PTPRK: variants seen among roughly 807,000 people sequenced by gnomAD.
The protein encoded by PTPRK is protein tyrosine phosphatase receptor type K.
In PTPRK, 75 loss-of-function variants were observed where a neutral mutation model predicts 178.0. The observed-to-expected ratio is 0.42, with a 90% CI of 0.35 to 0.51. The LOEUF (loss-of-function observed/expected upper bound fraction) is 0.51. Ranked by LOEUF, PTPRK falls within the 20% of genes least tolerant of loss-of-function variation. PTPRK has a pLI of 0.02. For synonymous variants in PTPRK, 637 were observed against 620.6 expected (o/e 1.03, Z -0.39); for missense variants, 1,441 against 1,797.8 (o/e 0.80, Z 3.59).
At chr6:128,221,249 G>T (rs1810343049) in intron 5 of PTPRK, among the ~76,000 whole-genome samples, 1 of 152,038 alleles carries the variant, frequency 6.6e-6, no homozygotes, top group African/African-American at 2.4e-5. Flanking sequence ...TCCTGGCCAG[G>T]CGCGGTGGCT....
chr6:128,078,950 C>T lies in PTPRK; in HGVS notation c.1778-32G>A, dbSNP rs185732998. The T allele has an allele frequency of 4.9e-6, 7 of 1,427,332 alleles. No individual in the cohort carries two copies. In the East Asian group the frequency reaches 1.4e-4, roughly 28 times the overall value. The allele number at this position is 1,427,332 out of a possible 1,614,324, so 88.4% of individuals were successfully genotyped here. A position where few individuals can be genotyped will look rare whatever the true frequency, so the allele number is the denominator to read the frequency against. ...AGTGATTAATGAGATAAAAAAGGTT[C>T]AATTAATTTACAGTAATATATCACA... On this transcript the variant is annotated intron_variant, in intron 10 of 29. Coordinates refer to ENST00000368226, the MANE Select transcript of PTPRK (RefSeq NM_002844.4).
chr6:128,241,350 C>G (rs1221004797), intron 4 of PTPRK: 1 of 529,772 alleles, frequency 1.9e-6, no homozygotes, highest in Non-Finnish European at 3.9e-6. Context: ...AATTGTCAGG[C>G]CCCACCCCAG....
At chr6:128,091,092 T>C (rs1441208744) in intron 7 of PTPRK, among the ~76,000 whole-genome samples, 1 of 152,180 alleles carries the variant, frequency 6.6e-6, no homozygotes. Flanking sequence ...TTCAATATAT[T>C]TAATGTGCAA....
chr6:128,250,941 C>T (rs774987459), intron 3 of PTPRK, among the ~76,000 whole-genome samples: 4 of 152,176 alleles, frequency 2.6e-5, no homozygotes, highest in Non-Finnish European at 4.4e-5. Context: ...TATGGTTTCT[C>T]AACTAAGAAT....
chr6:128,405,654 A>G (rs1040084534), intron 1 of PTPRK, among the ~76,000 whole-genome samples: 5 of 152,304 alleles, frequency 3.3e-5, no homozygotes, highest in African/African-American at 1.2e-4. Context: ...TGGAGAGATT[A>G]CTGATTACTG....
intron 7 of PTPRK, among the ~76,000 whole-genome samples, chr6:128,147,856 C>A (rs532491872): frequency 6.6e-6 from 1 of 152,280 alleles, no homozygotes; most frequent in Admixed American, 6.5e-5. Context: ...TTCCTTCTCT[C>A]CAACCAATAA....
At chr6:128,442,831 C>T (rs1846455461) in intron 1 of PTPRK, among the ~76,000 whole-genome samples, 1 of 152,214 alleles carries the variant, frequency 6.6e-6, no homozygotes, top group South Asian at 2.1e-4. Context: ...CCTGCATCTT[C>T]ATGGCTCTAA....
At chr6:128,455,118 A>G (rs1404199267) in intron 1 of PTPRK, among the ~76,000 whole-genome samples, 3 of 152,206 alleles carry the variant, frequency 2.0e-5, no homozygotes, top group African/African-American at 7.2e-5. Flanking sequence ...TTAATTATGT[A>G]TCAGAAAAAT....
intron 14 of PTPRK, among the ~76,000 whole-genome samples, chr6:128,006,808 G>A (rs1778480537): frequency 6.6e-6 from 1 of 150,902 alleles, no homozygotes; most frequent in Non-Finnish European, 1.5e-5. Context: ...CGTTTTGAAA[G>A]ATGCAATATC....
chr6:128,363,471 A>G (rs1288945742), intron 2 of PTPRK, among the ~76,000 whole-genome samples: 1 of 152,202 alleles, frequency 6.6e-6, no homozygotes, highest in Non-Finnish European at 1.5e-5. Context: ...GAACTACAAT[A>G]CAATCTAAGT....
At chr6:128,101,800 A>G (rs1262820122) in intron 7 of PTPRK, among the ~76,000 whole-genome samples, 2 of 152,172 alleles carry the variant, frequency 1.3e-5, no homozygotes, top group Non-Finnish European at 2.9e-5. Context: ...CTAATGTAGC[A>G]CTGTCCAACA....
chr6:128,418,820 T>C (rs1306418260), intron 1 of PTPRK, among the ~76,000 whole-genome samples: 2 of 152,202 alleles, frequency 1.3e-5, no homozygotes, highest in Non-Finnish European at 2.9e-5. Context: ...TCTCTGACAT[T>C]ATCTCAACCA....
At chr6:128,149,549 ACT>A (rs1367323470) in intron 7 of PTPRK, among the ~76,000 whole-genome samples, 1 of 152,086 alleles carries the variant, frequency 6.6e-6, no homozygotes. Context: ...TCTAGTAGTC[ACT>A]GTGTGACACC....
chr6:128,217,775 T>C (rs1809617440), intron 6 of PTPRK, among the ~76,000 whole-genome samples: 1 of 152,058 alleles, frequency 6.6e-6, no homozygotes, highest in Non-Finnish European at 1.5e-5. Context: ...TGGGCAACTT[T>C]CTCTCAACCT....
rs202171088 is a variant in PTPRK at position 127,981,221 on chromosome 6, A to G, written c.3606T>C (p.His1202=). 614 of 1,614,004 alleles carry G rather than the reference A, an allele frequency of 3.8e-4. 9 individuals carry two copies. In the South Asian group the frequency reaches 6.1e-3, roughly 16 times the overall value. The part of the protein sequence containing the change: ...DCSIACLPRN[H]DKNRFMDMLP... ...GCATGTCCATGAAACGGTTCTTGTC[A>G]TGGTTCCTTGGCAGGCACGCTATAC... The change falls in exon 25 of 30, where the codon CAT becomes CAC. Residue 1202 remains histidine, a synonymous_variant. Transcript: ENST00000368226.
At chr6:128,051,781 C>T (rs767690739) in intron 13 of PTPRK, among the ~76,000 whole-genome samples, 4 of 152,130 alleles carry the variant, frequency 2.6e-5, no homozygotes, top group Admixed American at 1.3e-4. Flanking sequence ...CAGACATTCT[C>T]CACACTTTTA....
Position 128,486,621 on chromosome 6 carries a change from T to G in PTPRK, c.100+33638A>C. On this transcript the variant is annotated intron_variant, in intron 1 of 29. Transcript: ENST00000368226. Reference sequence around the variant, plus strand: ...GAGTTCAAGACCAGCCTGGGCAACATGGTGAAACCCTGTCTACAAAAAAAT... The same window carrying G: ...GAGTTCAAGACCAGCCTGGGCAACAGGGTGAAACCCTGTCTACAAAAAAAT... 2.0e-5 allele frequency among the ~76,000 whole-genome samples: 3 copies of G among 152,104 alleles called. No individual in the cohort carries two copies. The South Asian group carries it at 6.2e-4, about 32-fold the overall frequency.
intron 7 of PTPRK, among the ~76,000 whole-genome samples, chr6:128,144,641 A>G (rs1583206180): frequency 6.6e-6 from 1 of 152,148 alleles, no homozygotes; most frequent in African/African-American, 2.4e-5. Context: ...TAAAATTCAC[A>G]TGGCATTCTT....
intron 1 of PTPRK, among the ~76,000 whole-genome samples, chr6:128,410,176 C>A (rs890792689): frequency 6.6e-6 from 1 of 152,102 alleles, no homozygotes; most frequent in African/African-American, 2.4e-5. Flanking sequence ...AGCTGATATT[C>A]CAAGTAATTG....
Sources: gnomAD v4.1 joint callset for allele counts (sites outside exome capture counted in the v4.1 genomes callset) on GRCh38, gnomAD v4.1.1 for gene constraint, MANE v1.5 for transcripts, NCBI Gene and HGNC (gene_info 2026-07-23, HGNC 2026-07-21) for gene names.